Variants in SH3GL2 observed in about 807,000 individuals in gnomAD.
SH3GL2 encodes the protein SH3 domain containing GRB2 like 2, endophilin A1, also known as endophilin-A1.
Under a neutral mutation model 46.0 loss-of-function variants are expected in SH3GL2, and 24 were observed. The ratio of observed to expected loss-of-function variants is 0.52; its 90% confidence interval spans 0.38 to 0.73. SH3GL2 has a LOEUF of 0.73. SH3GL2 is among the 30% of genes least tolerant of loss of function. The probability of loss-of-function intolerance (pLI) is 0.00; values close to 1 mark genes in which losing one functional copy is unlikely to be tolerated. For synonymous variants in SH3GL2, 196 were observed against 147.1 expected (o/e 1.33, Z -2.40); for missense variants, 413 against 424.2 (o/e 0.97, Z 0.23).
At chr9:17,620,379 G>C (rs977951251) in intron 1 of SH3GL2, among the ~76,000 whole-genome samples, 2 of 152,166 alleles carry the variant, frequency 1.3e-5, no homozygotes, top group Admixed American at 6.6e-5. Context: ...TGCTTTTTAG[G>C]TGTCAGACAC....
chr9:17,762,703 G>T (rs1823213386), intron 3 of SH3GL2, among the ~76,000 whole-genome samples: 1 of 152,188 alleles, frequency 6.6e-6, no homozygotes, highest in African/African-American at 2.4e-5. Context: ...CAGTGGTCTA[G>T]ATACATTTTC....
chr9:17,754,652 G>A (rs537913839), intron 2 of SH3GL2, among the ~76,000 whole-genome samples: 8 of 152,188 alleles, frequency 5.3e-5, no homozygotes, highest in Middle Eastern at 3.4e-3. Context: ...CAGCCTGGGC[G>A]GCAGAGTGAG....
intron 1 of SH3GL2, among the ~76,000 whole-genome samples, chr9:17,711,468 T>C (rs1821623086): frequency 1.3e-5 from 2 of 151,860 alleles, no homozygotes; most frequent in African/African-American, 2.4e-5. Flanking sequence ...TCAAATCCCT[T>C]GGTAATTCCT....
chr9:17,666,251 A>G (rs968707041), intron 1 of SH3GL2, among the ~76,000 whole-genome samples: 95 of 151,994 alleles, frequency 6.3e-4, no homozygotes, highest in Non-Finnish European at 3.7e-4. Flanking sequence ...GAAATACAGT[A>G]AAGTTCATAT....
At chr9:17,659,947 G>A (rs191049940) in intron 1 of SH3GL2, among the ~76,000 whole-genome samples, 2 of 152,280 alleles carry the variant, frequency 1.3e-5, no homozygotes, top group Middle Eastern at 3.4e-3. Context: ...TCCCCAGTCT[G>A]TAAACATGGA....
At chr9:17,606,563 C>G (rs550095388) in intron 1 of SH3GL2, among the ~76,000 whole-genome samples, 3 of 152,238 alleles carry the variant, frequency 2.0e-5, no homozygotes, top group Non-Finnish European at 2.9e-5. Context: ...TGTACCAGTT[C>G]AGTTTCTTCT....
chr9:17,664,290 T>C (rs1772986977), intron 1 of SH3GL2, among the ~76,000 whole-genome samples: 1 of 152,186 alleles, frequency 6.6e-6, no homozygotes, highest in Admixed American at 6.5e-5. Context: ...TTATTATTTC[T>C]CATACCACAG....
intron 3 of SH3GL2, among the ~76,000 whole-genome samples, chr9:17,776,249 C>T (rs191796839): frequency 6.6e-6 from 1 of 152,102 alleles, no homozygotes. Context: ...TTGTGATAAA[C>T]CTTGATTTTG....
intron 1 of SH3GL2, among the ~76,000 whole-genome samples, chr9:17,730,926 A>G (rs1822161328): frequency 6.6e-6 from 1 of 152,138 alleles, no homozygotes; most frequent in South Asian, 2.1e-4. Context: ...ACAGTTTTTT[A>G]AATAAGTGCA....
chr9:17,678,287 C>G (rs1484191204), intron 1 of SH3GL2, among the ~76,000 whole-genome samples: 5 of 152,144 alleles, frequency 3.3e-5, no homozygotes, highest in Admixed American at 1.3e-4. Context: ...CACATCCTCT[C>G]CAGCACCTGT....
At chr9:17,695,660 G>C (rs1286544955) in intron 1 of SH3GL2, among the ~76,000 whole-genome samples, 3 of 151,818 alleles carry the variant, frequency 2.0e-5, no homozygotes, top group African/African-American at 4.9e-5. Context: ...GGTGGTAGTG[G>C]GTTGGATGGC....
chr9:17,739,903 C>CA (rs1446867972), intron 1 of SH3GL2, among the ~76,000 whole-genome samples: 17 of 152,160 alleles, frequency 1.1e-4, no homozygotes, highest in African/African-American at 3.6e-4. Context: ...ACAGTTACAG[C>CA]ATCATACAAA....
intron 1 of SH3GL2, among the ~76,000 whole-genome samples, chr9:17,679,428 TTGTC>T (rs1433094221): frequency 2.6e-5 from 4 of 151,834 alleles, no homozygotes; most frequent in South Asian, 4.1e-4. Context: ...ATTTGGCTGT[TTGTC>T]TGTTTTTGCT....
chr9:17,588,963 T>C (rs149368637), intron 1 of SH3GL2, among the ~76,000 whole-genome samples: 48 of 152,172 alleles, frequency 3.2e-4, no homozygotes, highest in Non-Finnish European at 4.1e-4. Flanking sequence ...GTGCCCAGGA[T>C]GTAAAAGTGG....
chr9:17,627,298 C>T (rs772275891), intron 1 of SH3GL2, among the ~76,000 whole-genome samples: 2 of 152,160 alleles, frequency 1.3e-5, no homozygotes, highest in Non-Finnish European at 2.9e-5. Flanking sequence ...CCACCTACAG[C>T]TCATCTTCCT....
chr9:17,625,873 A>G (rs1203267304), intron 1 of SH3GL2, among the ~76,000 whole-genome samples: 1 of 152,184 alleles, frequency 6.6e-6, no homozygotes, highest in Non-Finnish European at 1.5e-5. Flanking sequence ...CTTCATGGGA[A>G]ACCTGTCCCA....
rs145121853 is a variant in SH3GL2, at chr9:17,752,909, G to A, written c.114+5775G>A. ...CAGTGTGTGTTGTTCCCCTCTGTGC[G>A]TTCTTGTGTTCTCATCATTTTTGTC... On this transcript the variant is annotated intron_variant, in intron 2 of 8. Coordinates refer to ENST00000380607, the MANE Select transcript of SH3GL2 (RefSeq NM_003026.5). Among the ~76,000 whole-genome samples, 14 of 152,132 alleles carry A rather than the reference G, an allele frequency of 9.2e-5. 1 individual carries two copies. The East Asian group carries it at 2.5e-3, about 27-fold the overall frequency.
chr9:17,670,805 T>C (rs559459730), intron 1 of SH3GL2, among the ~76,000 whole-genome samples: 1 of 152,344 alleles, frequency 6.6e-6, no homozygotes, highest in South Asian at 2.1e-4. Flanking sequence ...CTTGAAATAA[T>C]GGGACTTACA....
At chr9:17,695,545 T>C (rs770207575) in intron 1 of SH3GL2, among the ~76,000 whole-genome samples, 4 of 152,144 alleles carry the variant, frequency 2.6e-5, no homozygotes, top group Non-Finnish European at 2.9e-5. Flanking sequence ...ACTCCTCAGA[T>C]GGCAACTTTG....
Sources: allele counts gnomAD v4.1 joint callset (sites outside exome capture counted in the v4.1 genomes callset), GRCh38; gene constraint gnomAD v4.1.1; transcripts MANE v1.5; gene names NCBI Gene and HGNC (gene_info 2026-07-23, HGNC 2026-07-21).